The following UNC5B variants were observed in gnomAD, a reference collection of about 807,000 sequenced individuals.
UNC5B encodes the protein unc-5 netrin receptor B, also known as netrin receptor UNC5B.
UNC5B carries 56 observed loss-of-function variants against 103.7 expected under a neutral mutation model. The observed-to-expected ratio is 0.54, with a 90% confidence interval of 0.44 to 0.67. UNC5B has a LOEUF of 0.67. Among genes scored for constraint, UNC5B ranks in the 30% least tolerant of loss-of-function variants. The probability of loss-of-function intolerance (pLI) is 0.00; values close to 1 mark genes in which losing one functional copy is unlikely to be tolerated. For synonymous variants in UNC5B, 577 were observed against 542.0 expected, an observed-to-expected ratio of 1.06 and a Z score of -0.90; for missense variants, 1,194 against 1,284.5, an observed-to-expected ratio of 0.93 and a Z score of 1.08.
intron 1 of UNC5B, chr10:71,217,657 G>T (rs924077146): frequency 1.3e-5 from 2 of 152,518 alleles, no homozygotes; most frequent in Admixed American, 1.3e-4. Flanking sequence ...GAAAATATTT[G>T]CTGAAGTGCA....
chr10:71,221,264 A>T (rs572914857), intron 1 of UNC5B, among the ~76,000 whole-genome samples: 1 of 152,232 alleles, frequency 6.6e-6, no homozygotes, highest in African/African-American at 2.4e-5. Context: ...AGGGCCCAGG[A>T]GGTAGAGAAG....
At chr10:71,222,667 G>A (rs1453113635) in intron 1 of UNC5B, among the ~76,000 whole-genome samples, 1 of 152,202 alleles carries the variant, frequency 6.6e-6, no homozygotes, top group Non-Finnish European at 1.5e-5. Context: ...AAGGAGAGGG[G>A]CAGGAAGAGA....
At chr10:71,278,129 G>A (rs1844815576) in intron 1 of UNC5B, among the ~76,000 whole-genome samples, 1 of 152,196 alleles carries the variant, frequency 6.6e-6, no homozygotes, top group Admixed American at 6.5e-5. Flanking sequence ...CTCTAAAATG[G>A]GGTCTAATAG....
intron 5 of UNC5B, 69 bp downstream of exon 5, chr10:71,286,938 G>T: frequency 6.4e-7 from 1 of 1,569,430 alleles, no homozygotes; most frequent in Non-Finnish European, 8.6e-7. Context: ...GGGGGTAGGG[G>T]GGACCCCTGG....
In UNC5B at chr10:71,291,503, G is replaced by T. The variant is rs536140852; in HGVS notation, c.1366G>T (p.Val456Leu). The change falls in exon 10 of 17, where the codon GTG (valine) becomes TTG (leucine). Residue 456 changes from valine to leucine, a missense_variant. Val to Leu is a conservative substitution (Grantham distance 32, BLOSUM62 1). Transcript: ENST00000335350. ...TASAGIYRGP[V>L]YALQDSTDKI... is the part of the protein sequence containing the mutation. Reference sequence around the variant, plus strand: ...CAGCGCCGGCATCTACCGCGGACCCGTGTATGCCCTGCAGGACTCCACCGA... The same window carrying T: ...CAGCGCCGGCATCTACCGCGGACCCTTGTATGCCCTGCAGGACTCCACCGA... The T allele has an allele frequency of 1.2e-6, 2 of 1,614,062 alleles. No homozygotes were observed.
chr10:71,270,992 T>C (rs2132290745), intron 1 of UNC5B, among the ~76,000 whole-genome samples: 1 of 152,262 alleles, frequency 6.6e-6, no homozygotes, highest in South Asian at 2.1e-4. Context: ...GTAACCTGGC[T>C]GGGCATGTGT....
chr10:71,248,412 AG>A (rs151020262), intron 1 of UNC5B, among the ~76,000 whole-genome samples: 24,919 of 152,128 alleles, frequency 0.16, 2,437 homozygotes, highest in East Asian at 0.33. Context: ...GGCAGGGAGA[AG>A]GGGGGCCCAC....
At chr10:71,231,579 A>G (rs1195813025) in intron 1 of UNC5B, among the ~76,000 whole-genome samples, 1 of 152,196 alleles carries the variant, frequency 6.6e-6, no homozygotes, top group Non-Finnish European at 1.5e-5. Context: ...GGTGCCCAGC[A>G]CACGGTGGGC....
rs992519482 is a variant in UNC5B, at chr10:71,226,350, C to T, written c.79+13286C>T. ...TCGGCCTCCCAAAGTGCTGGGATTACGGGCATGAGCCACCTCGCCCAGCCC... is the reference window on the plus strand; with the variant it reads ...TCGGCCTCCCAAAGTGCTGGGATTATGGGCATGAGCCACCTCGCCCAGCCC... On this transcript the variant is annotated intron_variant, in intron 1 of 16. Coordinates refer to ENST00000335350, the MANE Select transcript of UNC5B (RefSeq NM_170744.5). Among the ~76,000 whole-genome samples the T allele has an allele frequency of 4.6e-5, 7 of 152,226 alleles. 1 individual carries two copies. In the South Asian group the frequency reaches 8.3e-4, roughly 18 times the overall value.
In UNC5B at chr10:71,213,013, G is replaced by T. The variant is rs61757568; in HGVS notation, c.28G>T (p.Ala10Ser). The T allele has an allele frequency of 3.0e-3, 4,263 of 1,416,664 alleles. 102 individuals are homozygous for T. In the African/African-American group the frequency reaches 0.052, roughly 17 times the overall value. 87.8% of individuals were successfully genotyped at this position (1,416,664 alleles called of 1,614,324 possible). The stretch of plus-strand genomic sequence containing the variant: ...GGGGGCCCGGAGCGGAGCTCGGGGC[G>T]CGCTGCTGCTGGCACTGCTGCTCTG... MGARSGARG[A>S]LLLALLLCWD... The change falls in exon 1 of 17, where the codon GCG becomes TCG. Residue 10 changes from alanine to serine, a missense_variant. Transcript: ENST00000335350. This position sits in a 1 kb window ranked among gnomAD's most constrained non-coding sequence, Gnocchi z 4.1.
intron 2 of UNC5B, 69 bp downstream of exon 2, chr10:71,280,114 G>C: frequency 4.6e-6 from 7 of 1,517,112 alleles, no homozygotes; most frequent in Non-Finnish European, 6.3e-6. Context: ...CTAGCTCCAT[G>C]TGAGACTTCA....
chr10:71,240,135 G>A (rs1448686788), intron 1 of UNC5B, among the ~76,000 whole-genome samples: 1 of 152,188 alleles, frequency 6.6e-6, no homozygotes, highest in African/African-American at 2.4e-5. Context: ...GCTGCAGGAG[G>A]GAGTCCCGGA....
At chr10:71,264,696 G>A (rs147908708) in intron 1 of UNC5B, among the ~76,000 whole-genome samples, 1 of 152,156 alleles carries the variant, frequency 6.6e-6, no homozygotes, top group Admixed American at 6.5e-5. Flanking sequence ...GCAGCACCTA[G>A]ACATTTCTTA....
intron 1 of UNC5B, among the ~76,000 whole-genome samples, chr10:71,257,615 C>T (rs1844321205): frequency 6.6e-6 from 1 of 152,186 alleles, no homozygotes; most frequent in Non-Finnish European, 1.5e-5. Context: ...GCTGCACCAG[C>T]CTGGACTGAA....
intron 1 of UNC5B, among the ~76,000 whole-genome samples, chr10:71,227,021 G>A (rs10450288): frequency 6.7e-6 from 1 of 148,524 alleles, no homozygotes; most frequent in South Asian, 2.1e-4. Flanking sequence ...GTCTTGCTCT[G>A]TTGCCCAGGC....
intron 1 of UNC5B, among the ~76,000 whole-genome samples, chr10:71,260,574 G>T (rs1301917974): frequency 6.6e-6 from 1 of 152,210 alleles, no homozygotes; most frequent in Non-Finnish European, 1.5e-5. Flanking sequence ...TCTGGGGGAG[G>T]CTGGGGGGCA....
chr10:71,235,430 G>A (rs906758711), intron 1 of UNC5B, among the ~76,000 whole-genome samples: 6 of 152,256 alleles, frequency 3.9e-5, no homozygotes, highest in African/African-American at 1.4e-4. Context: ...TCAGCGGGAA[G>A]AAGAGGGTAT....
intron 4 of UNC5B, 57 bp from the exon 5 acceptor site, chr10:71,286,632 T>C: frequency 6.3e-7 from 1 of 1,599,034 alleles, no homozygotes; most frequent in Non-Finnish European, 8.5e-7. Flanking sequence ...GCCCTTCTTC[T>C]GTTTATGATC....
intron 1 of UNC5B, among the ~76,000 whole-genome samples, chr10:71,268,654 G>C (rs897516812): frequency 5.9e-5 from 9 of 152,238 alleles, no homozygotes; most frequent in African/African-American, 1.7e-4. Flanking sequence ...GCGAGGAAGG[G>C]TTGTTCGGTT....
Sources: gnomAD v4.1 joint callset for allele counts (sites outside exome capture counted in the v4.1 genomes callset) on GRCh38, gnomAD v4.1.1 for gene constraint, Gnocchi (gnomAD v3.1) non-coding constraint, MANE v1.5 for transcripts, NCBI Gene and HGNC (gene_info 2026-07-23, HGNC 2026-07-21) for gene names.